Variants in RAPGEF4 observed in about 807,000 individuals in gnomAD.
RAPGEF4 encodes Rap guanine nucleotide exchange factor 4, also known as RAP guanine-nucleotide-exchange factor (GEF) 4.
A neutral mutation model predicts 147.9 loss-of-function variants in RAPGEF4; 66 were observed. The observed-to-expected ratio is 0.45, with a 90% CI of 0.37 to 0.55. The LOEUF is 0.55. Ranked by LOEUF, RAPGEF4 falls within the 20% of genes least tolerant of loss-of-function variation. The pLI, the probability that RAPGEF4 is intolerant of heterozygous loss-of-function variation, is 0.00. For missense variants in RAPGEF4, 1,071 were observed against 1,257.3 expected, an observed-to-expected ratio of 0.85 and a Z score of 2.24; for synonymous variants, 419 against 442.7, an observed-to-expected ratio of 0.95 and a Z score of 0.67.
At chr2:172,953,337 G>C (rs1243509005) in intron 6 of RAPGEF4, among the ~76,000 whole-genome samples, 1 of 144,960 alleles carries the variant, frequency 6.9e-6, no homozygotes, top group East Asian at 2.0e-4. Flanking sequence ...TCTATATATA[G>C]ATATCTCATG....
At chr2:172,905,040 C>T (rs918694153) in intron 4 of RAPGEF4, among the ~76,000 whole-genome samples, 3 of 152,010 alleles carry the variant, frequency 2.0e-5, no homozygotes, top group African/African-American at 7.3e-5. Flanking sequence ...TGCCCTTATT[C>T]TCCACCCTAC....
intron 1 of RAPGEF4, among the ~76,000 whole-genome samples, chr2:172,767,519 G>A (rs1413313768): frequency 6.6e-6 from 1 of 152,118 alleles, no homozygotes; most frequent in Non-Finnish European, 1.5e-5. Flanking sequence ...CATATGCATG[G>A]ACAGTTGAAT....
intron 4 of RAPGEF4, among the ~76,000 whole-genome samples, chr2:172,911,748 T>C (rs1229063269): frequency 6.9e-6 from 1 of 144,566 alleles, no homozygotes; most frequent in Non-Finnish European, 1.5e-5. Context: ...CATGAACCAC[T>C]GTGCTAAGCC....
chr2:172,784,181 T>A (rs1236512158), intron 1 of RAPGEF4, among the ~76,000 whole-genome samples: 1 of 152,202 alleles, frequency 6.6e-6, no homozygotes, highest in Non-Finnish European at 1.5e-5. Context: ...ACCCGAGTAC[T>A]TTATTCGCCT....
intron 4 of RAPGEF4, among the ~76,000 whole-genome samples, chr2:172,827,523 AG>A (rs1212625849): frequency 6.6e-6 from 1 of 151,988 alleles, no homozygotes; most frequent in African/African-American, 2.4e-5. Context: ...CACCATTCTC[AG>A]TGACCTCCCT....
intron 4 of RAPGEF4, among the ~76,000 whole-genome samples, chr2:172,896,429 C>T (rs1698485286): frequency 6.6e-6 from 1 of 151,944 alleles, no homozygotes; most frequent in Non-Finnish European, 1.5e-5. Context: ...TAAGCATATT[C>T]CTTTGTATAC....
In RAPGEF4 at chr2:173,035,630, G is replaced by A. The variant is rs529301028; in HGVS notation, c.2701-495G>A. The stretch of plus-strand genomic sequence containing the variant: ...GCCTCCAAAAGTGCTGGGATTATAG[G>A]CATGAGCCAATCATGCCCAGCCCAA... On this transcript the variant is annotated intron_variant, in intron 27 of 30. Coordinates refer to ENST00000397081, the MANE Select transcript of RAPGEF4 (RefSeq NM_007023.4). 2.0e-4 allele frequency among the ~76,000 whole-genome samples: 30 copies of A among 152,188 alleles called. No individual in the cohort carries two copies. The South Asian group carries it at 6.2e-3, about 32-fold the overall frequency.
intron 23 of RAPGEF4, among the ~76,000 whole-genome samples, chr2:173,021,417 G>T (rs889637972): frequency 7.2e-5 from 11 of 152,184 alleles, no homozygotes; most frequent in African/African-American, 2.7e-4. Flanking sequence ...GATACACGGG[G>T]TTTCTCCTTT....
At chr2:172,853,560 T>A (rs1180907141) in intron 4 of RAPGEF4, among the ~76,000 whole-genome samples, 1 of 151,984 alleles carries the variant, frequency 6.6e-6, no homozygotes, top group Non-Finnish European at 1.5e-5. Flanking sequence ...AAAAAATTCC[T>A]TCGTTCCTTC....
At chr2:172,793,623 C>T (rs4972858) in intron 1 of RAPGEF4, among the ~76,000 whole-genome samples, 144,653 of 152,292 alleles carry the variant, frequency 0.95, 69,153 homozygotes, top group East Asian at 1. Flanking sequence ...GTGAAATATC[C>T]ATCAAGAACA....
intron 18 of RAPGEF4, 140 bp from the exon 19 acceptor site, chr2:173,016,209 G>T: frequency 3.3e-6 from 2 of 610,330 alleles, no homozygotes; most frequent in Non-Finnish European, 2.8e-6. Context: ...TTTCTTCTTT[G>T]TTCTTCCTCC....
intron 4 of RAPGEF4, among the ~76,000 whole-genome samples, chr2:172,883,100 TA>T (rs111984096): frequency 0.2 from 29,743 of 148,390 alleles, 3,487 homozygotes; most frequent in Middle Eastern, 0.3. Context: ...TAATATGTGT[TA>T]AAAAAAAAAA....
chr2:173,032,018 G>A lies in RAPGEF4; in HGVS notation c.2649+1764G>A, dbSNP rs376584110. Among the ~76,000 whole-genome samples the A allele has an allele frequency of 9.9e-5, 15 of 152,182 alleles. No individual in the cohort carries two copies. The South Asian group carries it at 2.1e-3, about 21-fold the overall frequency. On this transcript the variant is annotated intron_variant, in intron 26 of 30. Coordinates refer to ENST00000397081, the MANE Select transcript of RAPGEF4 (RefSeq NM_007023.4). Reference sequence around the variant, plus strand: ...CTGGCCTCATGGAACTAGGGGACACGTGTGGAACAGCCACGGAATAAAATA... The same window carrying A: ...CTGGCCTCATGGAACTAGGGGACACATGTGGAACAGCCACGGAATAAAATA...
At chr2:172,996,640 C>T (rs1575473770) in intron 16 of RAPGEF4, 86 bp downstream of exon 16, 6 of 941,226 alleles carry the variant, frequency 6.4e-6, no homozygotes, top group Non-Finnish European at 9.6e-6. Flanking sequence ...GTGTGTATAG[C>T]GAAAGCAGTT....
intron 6 of RAPGEF4, among the ~76,000 whole-genome samples, chr2:172,955,268 C>G (rs1434544232): frequency 1.3e-5 from 2 of 152,150 alleles, no homozygotes; most frequent in African/African-American, 4.8e-5. Context: ...AGGCTAAATT[C>G]ATATTTTTCA....
chr2:172,772,636 A>G (rs1683738662), intron 1 of RAPGEF4, among the ~76,000 whole-genome samples: 1 of 152,152 alleles, frequency 6.6e-6, no homozygotes, highest in Non-Finnish European at 1.5e-5. Flanking sequence ...GAGCCACCGC[A>G]CCCAGCTAAA....
At chr2:172,883,180 A>C (rs550075387) in intron 4 of RAPGEF4, among the ~76,000 whole-genome samples, 8 of 152,216 alleles carry the variant, frequency 5.3e-5, no homozygotes, top group Non-Finnish European at 1.0e-4. Context: ...AGAATATATG[A>C]GACTGGGTAA....
At chr2:172,909,961 G>A (rs778747988) in intron 4 of RAPGEF4, among the ~76,000 whole-genome samples, 4 of 152,168 alleles carry the variant, frequency 2.6e-5, no homozygotes, top group Non-Finnish European at 4.4e-5. Flanking sequence ...CGCTGCATGG[G>A]ATAATCAAAG....
At chr2:172,933,450 C>G (rs1559628) in intron 6 of RAPGEF4, among the ~76,000 whole-genome samples, 151,252 of 152,270 alleles carry the variant, frequency 0.99, 75,128 homozygotes, top group Middle Eastern at 1. Flanking sequence ...GACCTGGTTT[C>G]AAGGTCACTG....
Sources: allele counts gnomAD v4.1 joint callset (sites outside exome capture counted in the v4.1 genomes callset), GRCh38; gene constraint gnomAD v4.1.1; transcripts MANE v1.5; gene names NCBI Gene and HGNC (gene_info 2026-07-23, HGNC 2026-07-21).